The following GAPDHS variants were observed in gnomAD, a reference collection of about 807,000 sequenced individuals.
The protein encoded by GAPDHS is glyceraldehyde-3-phosphate dehydrogenase, spermatogenic, also known as glyceraldehyde-3-phosphate dehydrogenase, testis-specific.
In GAPDHS, 42 loss-of-function variants were observed where a neutral mutation model predicts 48.7. The observed-to-expected ratio is 0.86, with a 90% CI of 0.67 to 1.12. GAPDHS has a LOEUF of 1.12. Ranked by LOEUF, GAPDHS falls within the 50% of genes most tolerant of loss-of-function variation. The pLI, the probability that GAPDHS is intolerant of heterozygous loss-of-function variation, is 0.00. For synonymous variants in GAPDHS, 166 were observed against 219.1 expected, an observed-to-expected ratio of 0.76 and a Z score of 2.14; for missense variants, 512 against 557.7, an observed-to-expected ratio of 0.92 and a Z score of 0.82.
chr19:35,541,981 C>T (rs1380541891), intron 4 of GAPDHS: 2 of 317,732 alleles, frequency 6.3e-6, no homozygotes, highest in South Asian at 3.3e-5. Flanking sequence ...GTCCACGTCC[C>T]GGGCAGCATA....
chr19:35,537,723 A>G (rs2071474706), intron 2 of GAPDHS, among the ~76,000 whole-genome samples: 1 of 152,078 alleles, frequency 6.6e-6, no homozygotes, highest in African/African-American at 2.4e-5. Flanking sequence ...CTACAGAAAA[A>G]AATTGTTTTA....
chr19:35,542,527 C>T lies in GAPDHS; in HGVS notation c.578C>T (p.Ser193Phe). ...GCAGGTGCTCAACGTGTGGTCATCT[C>T]CGCGCCCTCACCGGATGCACCAATG... ...ISAGAQRVVI[S>F]APSPDAPMFV... The change falls in exon 6 of 11, where the codon TCC becomes TTC. Residue 193 changes from serine (S) to phenylalanine (F), a missense_variant. By Grantham distance (155) the Ser-to-Phe change is radical. Coordinates refer to ENST00000222286, the MANE Select transcript of GAPDHS (RefSeq NM_014364.5). 5 of 1,613,996 alleles carry T rather than the reference C, an allele frequency of 3.1e-6. No individual in the cohort carries two copies. The highest frequency in any genetic ancestry group is 4.2e-6 in the Non-Finnish European group (5 of 1,179,910).
intron 9 of GAPDHS, chr19:35,544,557 G>A (rs951923026): frequency 3.3e-6 from 1 of 300,988 alleles, no homozygotes; most frequent in Non-Finnish European, 6.4e-6. Flanking sequence ...TGTGCTGAGG[G>A]CCCCAGCCGG....
At chr19:35,543,115 G>A (rs1268127263) in intron 7 of GAPDHS, 89 bp downstream of exon 7, 3 of 1,125,062 alleles carry the variant, frequency 2.7e-6, no homozygotes, top group African/African-American at 1.5e-5. Context: ...GAGTTAAGAG[G>A]GAGAGACTGG....
Position 35,543,397 on chromosome 19 carries a change from G to C in GAPDHS, c.799G>C (p.Ala267Pro), listed in dbSNP as rs372824286. The C allele has an allele frequency of 1.1e-5, 17 of 1,612,306 alleles. No individual in the cohort carries two copies. Among genetic ancestry groups the C allele is most frequent in the Admixed American group, 1.7e-5 (1 of 59,390 alleles). The stretch of plus-strand genomic sequence containing the variant: ...GACAGTGGACGGGCCATCAAGGAAG[G>C]CCTGGCGAGATGGGCGGGGTGCCCA... ...QKTVDGPSRK[A>P]WRDGRGAHQN... The change falls in exon 8 of 11, where the codon GCC becomes CCC. Residue 267 changes from alanine to proline, a missense_variant. By Grantham distance (27) the Ala-to-Pro change is conservative. Coordinates refer to ENST00000222286, the MANE Select transcript of GAPDHS (RefSeq NM_014364.5).
At chr19:35,540,182 T>C (rs1372546539) in intron 4 of GAPDHS, among the ~76,000 whole-genome samples, 1 of 152,254 alleles carries the variant, frequency 6.6e-6, no homozygotes, top group Admixed American at 6.5e-5. Flanking sequence ...CATGTGTTTG[T>C]GGACACTTAA....
Position 35,543,655 on chromosome 19 carries a change from G to A in GAPDHS, c.894-10G>A. On this transcript the variant is annotated splice_polypyrimidine_tract_variant and intron_variant, in intron 8 of 10. Transcript: ENST00000222286. ...GTTCTGACTCCTGTTCCTCATGGGGGATTCTCCAGGAAGCTGACAGGGATG... is the reference window on the plus strand; with the variant it reads ...GTTCTGACTCCTGTTCCTCATGGGGAATTCTCCAGGAAGCTGACAGGGATG... The A allele has an allele frequency of 6.2e-7, 1 of 1,612,866 alleles. No homozygotes were observed. The highest frequency in any genetic ancestry group is 8.5e-7 in the Non-Finnish European group (1 of 1,179,318).
intron 9 of GAPDHS, 45 bp downstream of exon 9, chr19:35,543,872 G>A (rs1352600747): frequency 3.3e-6 from 5 of 1,524,268 alleles, no homozygotes; most frequent in South Asian, 2.5e-5. Flanking sequence ...CCTCTGGGAA[G>A]GGACATGATT....
chr19:35,543,852 T>G (rs781600248), intron 9 of GAPDHS, 25 bp downstream of exon 9: 11 of 1,574,008 alleles, frequency 7.0e-6, no homozygotes, highest in Non-Finnish European at 9.5e-6. Context: ...GAGGAGACCC[T>G]GGGAGGAGCC....
intron 4 of GAPDHS, 95 bp downstream of exon 4, chr19:35,538,778 G>A: frequency 2.6e-6 from 2 of 783,710 alleles, no homozygotes; most frequent in Non-Finnish European, 4.5e-6. Flanking sequence ...CACATGGGGT[G>A]CTGAAACCAC....
chr19:35,533,671 G>A (rs566757649), intron 1 of GAPDHS, 77 bp downstream of exon 1: 8 of 1,120,706 alleles, frequency 7.1e-6, no homozygotes, highest in East Asian at 2.4e-5. Flanking sequence ...CACCTGTGCC[G>A]TATCCCTACC....
intron 4 of GAPDHS, chr19:35,541,586 T>C (rs773933482): frequency 1.3e-5 from 2 of 150,652 alleles, no homozygotes; most frequent in East Asian, 3.9e-4. Flanking sequence ...ATGATAAACC[T>C]GGGAAGGAAG....
In GAPDHS at chr19:35,538,364, G is replaced by C. The variant is rs2071479325; in HGVS notation, c.303G>C (p.Val101=). The change falls in exon 3 of 11, where the codon GTG becomes GTC. Residue 101 remains valine (V), a synonymous_variant. Transcript: ENST00000222286. ...LRACMEKGVK[V]VAVNDPFIDP... Reference sequence around the variant, plus strand: ...CCTGCATGGAGAAGGGTGTTAAGGTGGTGGCTGTGAATGATCCATTCATTG... The same window carrying C: ...CCTGCATGGAGAAGGGTGTTAAGGTCGTGGCTGTGAATGATCCATTCATTG... 1.2e-6 allele frequency: 2 copies of C among 1,613,480 alleles called. No individual in the cohort carries two copies. Among genetic ancestry groups the C allele is most frequent in the African/African-American group, 2.7e-5 (2 of 74,906 alleles).
At position 35,538,476 on chromosome 19, in the gene GAPDHS, G is replaced by A; in HGVS notation, c.342+73G>A. On this transcript the variant is annotated intron_variant, in intron 3 of 10. Transcript: ENST00000222286. Reference sequence around the variant, plus strand: ...GAAAGGGACTCAGGGAAGCTGTATGGAAGGCTCTCAGCTGTAATGTGAGAC... The same window carrying A: ...GAAAGGGACTCAGGGAAGCTGTATGAAAGGCTCTCAGCTGTAATGTGAGAC... 3.9e-6 allele frequency: 5 copies of A among 1,286,424 alleles called. No individual in the cohort carries two copies. The South Asian group carries it at 6.1e-5, about 16-fold the overall frequency. 79.7% of individuals were successfully genotyped at this position (1,286,424 alleles called of 1,614,324 possible).
At chr19:35,542,737 G>T in intron 6 of GAPDHS, 129 bp downstream of exon 6, 1 of 775,330 alleles carries the variant, frequency 1.3e-6, no homozygotes, top group Non-Finnish European at 2.2e-6. Flanking sequence ...TGCTAAAAAC[G>T]CATGACTTCC....
Position 35,543,822 on chromosome 19 carries a change from G to C in GAPDHS, c.1051G>C (p.Asp351His). 1 of 1,611,038 alleles carries C rather than the reference G, an allele frequency of 6.2e-7. No homozygotes were observed. Among genetic ancestry groups the C allele is most frequent in the Non-Finnish European group, 8.5e-7 (1 of 1,178,938 alleles). Residue 351 changes from aspartate (D) to histidine (H), a missense_variant, in exon 9 of 11, where the codon GAT (aspartate) becomes CAT (histidine). Asp to His is a moderately conservative substitution (Grantham distance 81). Coordinates refer to ENST00000222286, the MANE Select transcript of GAPDHS (RefSeq NM_014364.5). The stretch of plus-strand genomic sequence containing the variant: ...GGCTGGCATCCTTGCCTACACCGAG[G>C]ATGAGGTAGGGGCTGAGGAGAGGAG... ...PMAGILAYTE[D>H]EVVSTDFLGD...
At chr19:35,537,032 C>A (rs540819603) in intron 2 of GAPDHS, 42 bp downstream of exon 2, 7 of 1,477,684 alleles carry the variant, frequency 4.7e-6, no homozygotes, top group Middle Eastern at 2.0e-4. Context: ...AGCCTTAGAG[C>A]CCAGCCCCTC....
At chr19:35,535,391 AT>A (rs950620495) in intron 1 of GAPDHS, among the ~76,000 whole-genome samples, 8 of 150,420 alleles carry the variant, frequency 5.3e-5, no homozygotes, top group Admixed American at 1.3e-4. Context: ...TTTATTTTTT[AT>A]TTTTTTTTGG....
At chr19:35,543,306 T>C (rs751595593) in intron 7 of GAPDHS, 34 bp from the exon 8 acceptor site, 8 of 1,603,086 alleles carry the variant, frequency 5.0e-6, no homozygotes, top group Non-Finnish European at 5.9e-6. Flanking sequence ...CTTAGGAGCA[T>C]GAAGGCCTCA....
Sources: allele counts gnomAD v4.1 joint callset (sites outside exome capture counted in the v4.1 genomes callset), GRCh38; gene constraint gnomAD v4.1.1; transcripts MANE v1.5; gene names NCBI Gene and HGNC (gene_info 2026-07-23, HGNC 2026-07-21).